The following STARD13 variants were observed in gnomAD, a reference collection of about 807,000 sequenced individuals.
STARD13 encodes the protein StAR related lipid transfer domain containing 13, also known as stAR-related lipid transfer protein 13.
Under a neutral mutation model 106.4 loss-of-function variants are expected in STARD13, and 62 were observed. The ratio of observed to expected loss-of-function variants is 0.58; its 90% CI spans 0.48 to 0.72. STARD13 has a LOEUF of 0.72. STARD13 is among the 30% of genes least tolerant of loss of function. The pLI, the probability that STARD13 is intolerant of heterozygous loss-of-function variation, is 0.00. For synonymous variants in STARD13, 565 were observed against 553.0 expected (o/e 1.02, Z -0.31); for missense variants, 1,387 against 1,424.0 (o/e 0.97, Z 0.42).
At chr13:33,238,205 ACATAATCCTCAC>A (rs1889289924) in intron 1 of STARD13, among the ~76,000 whole-genome samples, 1 of 152,170 alleles carries the variant, frequency 6.6e-6, no homozygotes, top group African/African-American at 2.4e-5. Context: ...AACACAACAG[ACATAATCCTCAC>A]TCACTTGGGT....
chr13:33,360,265 C>T, the STARD13 span, among the ~76,000 whole-genome samples: 1 of 151,628 alleles, frequency 6.6e-6, no homozygotes, highest in Admixed American at 6.6e-5. Context: ...AGTGCCATGG[C>T]GCCATCTTGG....
At chr13:33,271,836 A>G (rs1891180317) in intron 1 of STARD13, among the ~76,000 whole-genome samples, 2 of 148,958 alleles carry the variant, frequency 1.3e-5, no homozygotes, top group African/African-American at 4.9e-5. Context: ...ACATACAAAT[A>G]AAAAAAAAAC....
the STARD13 span, among the ~76,000 whole-genome samples, chr13:33,655,701 T>C: frequency 6.6e-6 from 1 of 152,330 alleles, no homozygotes; most frequent in East Asian, 1.9e-4. Flanking sequence ...GAATTCTATA[T>C]AGTAACTGGA....
At chr13:33,268,620 G>A (rs937271118) in intron 1 of STARD13, among the ~76,000 whole-genome samples, 10 of 152,178 alleles carry the variant, frequency 6.6e-5, no homozygotes, top group Admixed American at 3.3e-4. Context: ...GTCACACAGC[G>A]CATCAGTGCT....
At chr13:33,566,803 T>TA in the STARD13 span, among the ~76,000 whole-genome samples, 3 of 148,072 alleles carry the variant, frequency 2.0e-5, no homozygotes, top group African/African-American at 7.4e-5. Context: ...ATGTGATCCT[T>TA]GCTGTGTCTA....
At chr13:33,639,967 A>G in the STARD13 span, among the ~76,000 whole-genome samples, 1 of 152,180 alleles carries the variant, frequency 6.6e-6, no homozygotes, top group Admixed American at 6.5e-5. Context: ...TTTTCTCTCG[A>G]CATTGGGTAG....
chr13:33,200,153 GC>G (rs1886914913), intron 1 of STARD13, among the ~76,000 whole-genome samples: 1 of 152,214 alleles, frequency 6.6e-6, no homozygotes, highest in African/African-American at 2.4e-5. Flanking sequence ...CAAACACGCT[GC>G]CTTCTAGCCC....
intron 1 of STARD13, chr13:33,350,235 A>T: frequency 6.7e-7 from 1 of 1,484,454 alleles, no homozygotes; most frequent in Non-Finnish European, 8.9e-7. Context: ...CGGGCGGGCT[A>T]CGGGGCCGGC....
intron 1 of STARD13, among the ~76,000 whole-genome samples, chr13:33,253,772 C>G (rs1890203213): frequency 6.6e-6 from 1 of 152,128 alleles, no homozygotes; most frequent in African/African-American, 2.4e-5. Flanking sequence ...AGCGTATCAT[C>G]AAAGCCTGAA....
At chr13:33,578,865 A>C in the STARD13 span, among the ~76,000 whole-genome samples, 11,525 of 152,212 alleles carry the variant, frequency 0.076, 589 homozygotes, top group East Asian at 0.28. Flanking sequence ...CCTCAAAAGA[A>C]GATATATAAA....
intron 1 of STARD13, among the ~76,000 whole-genome samples, chr13:33,322,078 G>T (rs1192638156): frequency 6.6e-6 from 1 of 152,172 alleles, no homozygotes; most frequent in African/African-American, 2.4e-5. Flanking sequence ...TCAATTCACA[G>T]CTCATTAATC....
At chr13:33,566,358 C>A in the STARD13 span, among the ~76,000 whole-genome samples, 2 of 148,010 alleles carry the variant, frequency 1.4e-5, no homozygotes, top group African/African-American at 5.0e-5. Flanking sequence ...CGGTTTCAGG[C>A]ATCCACTGGG....
chr13:33,106,997 G>T, intron 12 of STARD13, 63 bp from the exon 13 acceptor site: 4 of 1,484,126 alleles, frequency 2.7e-6, no homozygotes, highest in Non-Finnish European at 3.7e-6. Flanking sequence ...CCTGAACACA[G>T]AGCTAAGGTT....
chr13:33,374,739 A>T, the STARD13 span, among the ~76,000 whole-genome samples: 1 of 152,134 alleles, frequency 6.6e-6, no homozygotes, highest in Non-Finnish European at 1.5e-5. Context: ...ACCCATACAA[A>T]CAAAGCATGG....
At chr13:33,390,352 C>T in the STARD13 span, among the ~76,000 whole-genome samples, 2 of 152,058 alleles carry the variant, frequency 1.3e-5, no homozygotes, top group African/African-American at 4.8e-5. Context: ...GATATGTTTA[C>T]CATCAACCTG....
chr13:33,645,452 G>C, the STARD13 span, among the ~76,000 whole-genome samples: 1 of 152,156 alleles, frequency 6.6e-6, no homozygotes, highest in Non-Finnish European at 1.5e-5. Flanking sequence ...TGAGTAAATA[G>C]TGTCTTCAAG....
At position 33,232,803 on chromosome 13, in the gene STARD13, T is replaced by A. The variant is rs2138216623; in HGVS notation, c.169+52667A>T. On this transcript the variant is annotated intron_variant, in intron 1 of 13. Transcript: ENST00000336934. ...GAATGAAACTCACTCAATCACTACA[T>A]CCAGACAATGAGATACAAGACCCCT... 2.0e-5 allele frequency among the ~76,000 whole-genome samples: 3 copies of A among 152,344 alleles called. No homozygotes were observed. In the East Asian group the frequency reaches 5.8e-4, roughly 29 times the overall value.
At chr13:33,328,166 C>T (rs146058040) in intron 1 of STARD13, among the ~76,000 whole-genome samples, 5 of 152,256 alleles carry the variant, frequency 3.3e-5, no homozygotes, top group African/African-American at 1.2e-4. Context: ...CCATCTATGG[C>T]TTCTAGATTA....
rs201871210 is a variant in STARD13 at position 33,110,912 on chromosome 13, A to G, written c.2608-5T>C. ...GGCCACCAACTCGTGTGGAACCTAGACCAACGGATGCATGAAAGGGCAACA... is the reference window on the plus strand; with the variant it reads ...GGCCACCAACTCGTGTGGAACCTAGGCCAACGGATGCATGAAAGGGCAACA... On this transcript the variant is annotated splice_polypyrimidine_tract_variant and splice_region_variant and intron_variant, in intron 10 of 13. Coordinates refer to ENST00000336934, the MANE Select transcript of STARD13 (RefSeq NM_178006.4). 2 of 1,611,650 alleles carry G rather than the reference A, an allele frequency of 1.2e-6. No individual in the cohort carries two copies. The highest frequency in any genetic ancestry group is 1.1e-5 in the South Asian group (1 of 90,980).
Sources: allele counts gnomAD v4.1 joint callset (sites outside exome capture counted in the v4.1 genomes callset), GRCh38; gene constraint gnomAD v4.1.1; transcripts MANE v1.5; gene names NCBI Gene and HGNC (gene_info 2026-07-23, HGNC 2026-07-21).